Variants in SDR42E2 observed in about 807,000 individuals in gnomAD.
SDR42E2 encodes the protein short chain dehydrogenase/reductase family 42E, member 2.
In SDR42E2, 20 loss-of-function variants were observed where a neutral mutation model predicts 10.5. That is an observed-to-expected ratio of 1.90 (90% confidence interval 1.34 to 2.77). The LOEUF (loss-of-function observed/expected upper bound fraction) is 2.77. Among genes scored for constraint, SDR42E2 ranks in the 30% most tolerant of loss-of-function variants. The probability of loss-of-function intolerance (pLI) is 0.00; values close to 1 mark genes in which losing one functional copy is unlikely to be tolerated. For synonymous variants in SDR42E2, 72 were observed against 39.2 expected (o/e 1.84, Z -3.12); for missense variants, 162 against 104.2 (o/e 1.55, Z -2.42).
chr16:22,182,407 G>A (rs538525268), intron 10 of SDR42E2, 130 bp downstream of exon 10: 21 of 388,210 alleles, frequency 5.4e-5, no homozygotes, highest in African/African-American at 3.9e-4. Context: ...GAGTCCAGTG[G>A]TACAATCTCA....
chr16:22,164,046 C>T (rs2046516394), intron 1 of SDR42E2, among the ~76,000 whole-genome samples: 2 of 118,038 alleles, frequency 1.7e-5, no homozygotes, highest in South Asian at 5.9e-4. Context: ...CAGCCTCATC[C>T]TCAGGTGGAG....
chr16:22,167,171 T>A (rs8060335), intron 4 of SDR42E2, among the ~76,000 whole-genome samples, 172 bp downstream of exon 4: 5 of 69,706 alleles, frequency 7.2e-5, no homozygotes, highest in Non-Finnish European at 1.3e-4. Flanking sequence ...TGCCATTTTT[T>A]TTTTTTTTTT....
rs537725214 is a variant in SDR42E2, at chr16:22,170,350, G to A, written c.395-483G>A. Among the ~76,000 whole-genome samples, 29 of 152,170 alleles carry A rather than the reference G, an allele frequency of 1.9e-4. No individual in the cohort carries two copies. The South Asian group carries it at 5.0e-3, about 26-fold the overall frequency. ...GCCTGGGCAACAAGAGTGAAACTCC[G>A]TCTCAATAAATAAATAAATAAATAA... On this transcript the variant is annotated intron_variant, in intron 5 of 12. Transcript: ENST00000602312.
At chr16:22,174,381 T>G (rs1297271216) in intron 7 of SDR42E2, among the ~76,000 whole-genome samples, 1 of 151,980 alleles carries the variant, frequency 6.6e-6, no homozygotes, top group Non-Finnish European at 1.5e-5. Context: ...AACAGACAGA[T>G]GAACTGACCT....
In SDR42E2 at chr16:22,172,288, C is replaced by T. The variant is rs373903951; in HGVS notation, c.546C>T (p.Ile182=). 28 of 703,224 alleles carry T rather than the reference C, an allele frequency of 4.0e-5. No individual in the cohort carries two copies. The highest frequency in any genetic ancestry group is 3.8e-4 in the African/African-American group (22 of 57,390). 43.6% of individuals were successfully genotyped at this position (703,224 alleles called of 1,614,324 possible). The part of the protein sequence containing the change: ...HVDHYSRTKA[I]ADQLTLMANG... ...ACCACTACTCCCGAACCAAAGCCAT[C>T]GCCGACCAATTGACCCTCATGGCCA... The change falls in exon 7 of 13, where the codon ATC becomes ATT. Residue 182 remains isoleucine, a synonymous_variant. Transcript: ENST00000602312.
At chr16:22,181,254 C>A (rs992818518) in intron 8 of SDR42E2, among the ~76,000 whole-genome samples, 2 of 152,066 alleles carry the variant, frequency 1.3e-5, no homozygotes, top group African/African-American at 4.8e-5. Context: ...GGGTTTTAAC[C>A]TGAGTGGTAG....
intron 8 of SDR42E2, among the ~76,000 whole-genome samples, chr16:22,179,023 T>G (rs1423216293): frequency 1.3e-5 from 2 of 152,086 alleles, no homozygotes; most frequent in African/African-American, 4.8e-5. Flanking sequence ...AGTCAGGGTC[T>G]CACTGTATCA....
intron 7 of SDR42E2, among the ~76,000 whole-genome samples, chr16:22,173,208 C>A (rs1258150060): frequency 6.6e-6 from 1 of 151,962 alleles, no homozygotes; most frequent in Non-Finnish European, 1.5e-5. Context: ...CTTTCAAATA[C>A]AATTATTAAT....
At chr16:22,169,738 T>C (rs2046578633) in intron 5 of SDR42E2, among the ~76,000 whole-genome samples, 1 of 152,266 alleles carries the variant, frequency 6.6e-6, no homozygotes, top group East Asian at 1.9e-4. Context: ...AAAAGAAAAG[T>C]TGCCGAAGCT....
chr16:22,172,448 G>A (rs376319335), intron 7 of SDR42E2, 117 bp downstream of exon 7: 10 of 677,510 alleles, frequency 1.5e-5, no homozygotes, highest in African/African-American at 3.5e-5. Flanking sequence ...TCCAAAGGAC[G>A]GTTTCCCAGG....
intron 12 of SDR42E2, among the ~76,000 whole-genome samples, chr16:22,189,177 ACC>A (rs1294085392): frequency 6.6e-6 from 1 of 151,314 alleles, no homozygotes; most frequent in East Asian, 1.9e-4. Flanking sequence ...CTCTCTCCTC[ACC>A]CCCCATTAAG....
chr16:22,170,173 G>C (rs764289903), intron 5 of SDR42E2, among the ~76,000 whole-genome samples: 1 of 151,646 alleles, frequency 6.6e-6, no homozygotes, highest in Admixed American at 6.6e-5. Flanking sequence ...TGACCAACAC[G>C]AAGAGATCCC....
At chr16:22,164,310 G>C (rs2046518763) in intron 1 of SDR42E2, among the ~76,000 whole-genome samples, 1 of 152,142 alleles carries the variant, frequency 6.6e-6, no homozygotes, top group South Asian at 2.1e-4. Context: ...TGTAATCCCA[G>C]CACTTTGGGA....
rs2046539599 is a variant in SDR42E2, at chr16:22,166,356, C to T, written c.162C>T (p.Ala54=). Residue 54 remains alanine, a synonymous_variant, in exon 3 of 13, where the codon GCC becomes GCT. Transcript: ENST00000602312. ...YLGFSLGSHL[A]KSGTSVILLD... is the part of the protein sequence containing the mutation. ...GCTTCAGCCTGGGATCCCACCTAGC[C>T]AAGAGCGGCACTTCCGTCATTCTGC... 1 of 402,714 alleles carries T rather than the reference C, an allele frequency of 2.5e-6. No homozygotes were observed. The highest frequency in any genetic ancestry group is 4.4e-6 in the Non-Finnish European group (1 of 227,302). 24.9% of individuals were successfully genotyped at this position (402,714 alleles called of 1,614,324 possible).
rs956931009 is a variant in SDR42E2 at position 22,166,237 on chromosome 16, AC to A, written c.56-9del. The A allele has an allele frequency of 2.5e-6, 1 of 403,194 alleles. No homozygotes were observed. 25.0% of individuals were successfully genotyped at this position (403,194 alleles called of 1,614,324 possible). A position where few individuals can be genotyped will look rare whatever the true frequency, so the allele number is the denominator to read the frequency against. On this transcript the variant is annotated splice_polypyrimidine_tract_variant and intron_variant, in intron 2 of 12. Coordinates refer to ENST00000602312, the MANE Select transcript of SDR42E2 (RefSeq NM_001394319.2). ...GCCCAGACCCAGTGAGTCAACAACA[AC>A]CCCAACACCAGCGCCGCAGCAGAAG... is the stretch of plus-strand genomic sequence containing the variant.
intron 7 of SDR42E2, among the ~76,000 whole-genome samples, chr16:22,172,955 T>A (rs928755999): frequency 5.9e-5 from 9 of 152,126 alleles, no homozygotes; most frequent in Non-Finnish European, 1.0e-4. Context: ...TTATTTTAAA[T>A]TTTTTTGTAG....
chr16:22,181,808 G>A (rs555610792), intron 9 of SDR42E2, among the ~76,000 whole-genome samples, 152 bp downstream of exon 9: 40 of 152,312 alleles, frequency 2.6e-4, no homozygotes, highest in Admixed American at 2.4e-3. Context: ...GGGGGAAGCA[G>A]GTAGGTGGGG....
intron 11 of SDR42E2, among the ~76,000 whole-genome samples, 179 bp from the exon 12 acceptor site, chr16:22,186,542 A>G (rs1057281933): frequency 2.0e-5 from 3 of 152,200 alleles, no homozygotes; most frequent in Admixed American, 6.5e-5. Context: ...TACTTGTGAC[A>G]TATTTCACAG....
intron 7 of SDR42E2, 31 bp from the exon 8 acceptor site, chr16:22,178,097 CCT>C (rs1266568864): frequency 2.9e-6 from 2 of 699,448 alleles, no homozygotes; most frequent in African/African-American, 3.5e-5. Flanking sequence ...CTGCTCCTCC[CCT>C]GACCCCTGAC....
Sources: gnomAD v4.1 joint callset for allele counts (sites outside exome capture counted in the v4.1 genomes callset) on GRCh38, gnomAD v4.1.1 for gene constraint, MANE v1.5 for transcripts, NCBI Gene and HGNC (gene_info 2026-07-23, HGNC 2026-07-21) for gene names.